The following RALYL variants were observed in gnomAD, a reference collection of about 807,000 sequenced individuals.
RALYL encodes the protein RALY RNA binding protein like.
In RALYL, 29 loss-of-function variants were observed where a neutral mutation model predicts 35.1. That is an observed-to-expected ratio of 0.83 (90% confidence interval 0.61 to 1.13). RALYL has a LOEUF of 1.13. RALYL is among the 50% of genes most tolerant of loss of function. The pLI is 0.00. For synonymous variants in RALYL, 120 were observed against 127.6 expected (o/e 0.94, Z 0.40); for missense variants, 359 against 360.4 (o/e 1.00, Z 0.03).
chr8:84,283,909 T>C lies in RALYL; in HGVS notation c.-24+99485T>C, dbSNP rs540998428. ...GAAGTGAATACATATCCTAGTGGAA[T>C]TATAAAAGGTATTGGTTATATGTAT... On this transcript the variant is annotated intron_variant, in intron 1 of 8. Coordinates refer to ENST00000521268, the MANE Select transcript of RALYL (RefSeq NM_173848.7). Among the ~76,000 whole-genome samples, 9 of 152,144 alleles carry C rather than the reference T, an allele frequency of 5.9e-5. No individual in the cohort carries two copies. In the South Asian group the frequency reaches 1.9e-3, roughly 32 times the overall value.
chr8:84,696,261 A>AC (rs1232655588), intron 2 of RALYL, among the ~76,000 whole-genome samples: 8 of 151,846 alleles, frequency 5.3e-5, no homozygotes, highest in African/African-American at 1.9e-4. Context: ...TAAAAAAAAA[A>AC]AGGTTAATCT....
chr8:84,311,268 G>C (rs1300459268), intron 1 of RALYL, among the ~76,000 whole-genome samples: 2 of 151,652 alleles, frequency 1.3e-5, no homozygotes, highest in Non-Finnish European at 2.9e-5. Flanking sequence ...CACCACTACT[G>C]TTTAATAAAA....
chr8:84,816,753 T>C (rs1422759273), intron 4 of RALYL, among the ~76,000 whole-genome samples: 3 of 152,106 alleles, frequency 2.0e-5, no homozygotes, highest in African/African-American at 4.8e-5. Context: ...TAAGTAACTA[T>C]AAGAGTGTAA....
chr8:84,311,136 G>A (rs995924113), intron 1 of RALYL, among the ~76,000 whole-genome samples: 33 of 136,532 alleles, frequency 2.4e-4, no homozygotes, highest in Admixed American at 7.7e-4. Flanking sequence ...TATATAATAT[G>A]GTTATTATGT....
chr8:84,802,226 T>C (rs1424773444), intron 3 of RALYL, among the ~76,000 whole-genome samples: 1 of 152,210 alleles, frequency 6.6e-6, no homozygotes, highest in Non-Finnish European at 1.5e-5. Flanking sequence ...TTCATGAATT[T>C]TCATGTGTCA....
chr8:84,824,643 G>A (rs185811214), intron 4 of RALYL, among the ~76,000 whole-genome samples: 17 of 152,162 alleles, frequency 1.1e-4, no homozygotes, highest in East Asian at 5.8e-4. Flanking sequence ...CCAAAACAGC[G>A]TGGTACTGGT....
chr8:84,668,701 T>A (rs1588890679), intron 2 of RALYL, among the ~76,000 whole-genome samples: 1 of 152,154 alleles, frequency 6.6e-6, no homozygotes. Context: ...TGAGGAAAGA[T>A]TTAAATATGA....
At chr8:84,344,622 T>A (rs1289748176) in intron 1 of RALYL, among the ~76,000 whole-genome samples, 1 of 152,096 alleles carries the variant, frequency 6.6e-6, no homozygotes, top group Admixed American at 6.6e-5. Flanking sequence ...AATAATTAAA[T>A]CACACTAACA....
intron 2 of RALYL, among the ~76,000 whole-genome samples, chr8:84,619,182 T>G: frequency 6.6e-6 from 1 of 151,682 alleles, no homozygotes; most frequent in African/African-American, 2.4e-5. Context: ...CTGTCTAATG[T>G]TGACAGTGGG....
Position 84,302,294 on chromosome 8 carries a change from A to G in RALYL, c.-24+117870A>G, listed in dbSNP as rs367729552. ...AAAATTTATTCTTGTTAAGTCAAAG[A>G]CTTCTCATTACCTTTCCTTGGTCCC... On this transcript the variant is annotated intron_variant, in intron 1 of 8. Transcript: ENST00000521268. Among the ~76,000 whole-genome samples the G allele has an allele frequency of 1.2e-4, 19 of 152,294 alleles. No individual in the cohort carries two copies. The East Asian group carries it at 2.9e-3, about 23-fold the overall frequency.
chr8:84,627,819 C>G (rs1221762568), intron 2 of RALYL, among the ~76,000 whole-genome samples: 1 of 152,016 alleles, frequency 6.6e-6, no homozygotes, highest in South Asian at 2.1e-4. Context: ...TCTGTTTCCT[C>G]TCTCTTCTTT....
chr8:84,858,759 G>A (rs1837531920), intron 5 of RALYL, among the ~76,000 whole-genome samples: 1 of 152,096 alleles, frequency 6.6e-6, no homozygotes, highest in African/African-American at 2.4e-5. Flanking sequence ...ATATTTTGAA[G>A]AACCCCTATA....
At chr8:84,624,602 C>A (rs529196326) in intron 2 of RALYL, among the ~76,000 whole-genome samples, 26 of 152,314 alleles carry the variant, frequency 1.7e-4, no homozygotes, top group Admixed American at 9.8e-4. Context: ...ATCAGGACAT[C>A]TCCCCATCTC....
chr8:84,489,339 A>C (rs1031290055), intron 1 of RALYL, among the ~76,000 whole-genome samples: 4 of 152,066 alleles, frequency 2.6e-5, no homozygotes, highest in Admixed American at 1.3e-4. Context: ...ATTGATGTTA[A>C]CAAAAGTTAA....
rs1160208169 is a variant in RALYL at position 84,617,251 on chromosome 8, A to C, written c.256+87674A>C. ...ATGGAATGTTCTTCCATTTGTTTGT[A>C]TCCTCTTTTATTTCCTTGAGCAGTG... is the stretch of plus-strand genomic sequence containing the variant. On this transcript the variant is annotated intron_variant, in intron 2 of 8. Transcript: ENST00000521268. Among the ~76,000 whole-genome samples, 3 of 151,536 alleles carry C rather than the reference A, an allele frequency of 2.0e-5. No homozygotes were observed. In the East Asian group the frequency reaches 5.8e-4, roughly 29 times the overall value.
chr8:84,850,013 T>C lies in RALYL; in HGVS notation c.399T>C (p.Asp133=). 6.7e-7 allele frequency: 1 copy of C among 1,484,828 alleles called. No homozygotes were observed. Among genetic ancestry groups the C allele is most frequent in the Admixed American group, 2.4e-5 (1 of 41,456 alleles). The allele number at this position is 1,484,828 out of a possible 1,614,324, so 92.0% of individuals were successfully genotyped here. The change falls in exon 5 of 9, where the codon GAT becomes GAC. Residue 133 remains aspartate (D), a synonymous_variant. Transcript: ENST00000521268. ...GYVFDYDYYR[D]DFYNRLFDYH... is the part of the protein sequence containing the mutation. ...TCTTTGACTATGATTACTACAGAGA[T>C]GATTTCTACAATCGGTATGTGAATT...
chr8:84,625,903 C>G (rs988619508), intron 2 of RALYL, among the ~76,000 whole-genome samples: 1 of 152,086 alleles, frequency 6.6e-6, no homozygotes, highest in Non-Finnish European at 1.5e-5. Context: ...TCACATGTCA[C>G]TGTGGTTGTC....
At chr8:84,372,202 CA>C (rs1486832408) in intron 1 of RALYL, among the ~76,000 whole-genome samples, 1 of 151,922 alleles carries the variant, frequency 6.6e-6, no homozygotes, top group Non-Finnish European at 1.5e-5. Context: ...TCAATAACAG[CA>C]AATAAAAATT....
intron 2 of RALYL, among the ~76,000 whole-genome samples, chr8:84,629,310 A>C (rs1327758865): frequency 6.6e-5 from 10 of 152,120 alleles, no homozygotes; most frequent in Admixed American, 6.6e-4. Flanking sequence ...TTTAATGGAC[A>C]GAAATAAAAG....
Sources: gnomAD v4.1 joint callset for allele counts (sites outside exome capture counted in the v4.1 genomes callset) on GRCh38, gnomAD v4.1.1 for gene constraint, MANE v1.5 for transcripts, NCBI Gene and HGNC (gene_info 2026-07-23, HGNC 2026-07-21) for gene names.